Variants in CDK13 observed in about 807,000 individuals in gnomAD.
CDK13 encodes cyclin-dependent kinase 13.
Under a neutral mutation model 137.6 loss-of-function variants are expected in CDK13, and 40 were observed. The observed-to-expected ratio is 0.29, with a 90% CI of 0.23 to 0.38. The LOEUF (loss-of-function observed/expected upper bound fraction) is 0.38, where lower values mean the gene tolerates loss of function less well. Among genes scored for constraint, CDK13 ranks in the 10% least tolerant of loss-of-function variants. The pLI is 1.00. For synonymous variants in CDK13, 869 were observed against 760.1 expected, an observed-to-expected ratio of 1.14 and a Z score of -2.36; for missense variants, 1,704 against 1,951.8, an observed-to-expected ratio of 0.87 and a Z score of 2.39.
intron 11 of CDK13, among the ~76,000 whole-genome samples, chr7:40,086,782 TC>T (rs1380114405): frequency 1.3e-5 from 2 of 151,720 alleles, no homozygotes; most frequent in Admixed American, 1.3e-4. Flanking sequence ...GTTAAGTTCT[TC>T]ACAAATGTTA....
intron 5 of CDK13, among the ~76,000 whole-genome samples, chr7:40,005,730 G>T (rs1314115334): frequency 4.6e-5 from 7 of 152,088 alleles, no homozygotes. Flanking sequence ...CTTGTTTTTT[G>T]TTTTGTTTTT....
intron 5 of CDK13, among the ~76,000 whole-genome samples, chr7:40,010,966 A>G (rs1369069886): frequency 1.3e-5 from 2 of 152,228 alleles, no homozygotes; most frequent in African/African-American, 4.8e-5. Context: ...CAAGACATGT[A>G]TCTTGAATAC....
At chr7:40,065,153 C>A (rs563454133) in intron 9 of CDK13, among the ~76,000 whole-genome samples, 279 of 151,652 alleles carry the variant, frequency 1.8e-3, no homozygotes, top group African/African-American at 6.4e-3. Flanking sequence ...AAGAAATATA[C>A]CTTTCAGTGC....
chr7:40,001,075 C>T lies in CDK13; in HGVS notation c.2183-786C>T, dbSNP rs558094837. Reference sequence around the variant, plus strand: ...GGTTTGGTCAAGTAATATGTCTGAGCGTATTTTTTTCACTGATAGAGTTTT... The same window carrying T: ...GGTTTGGTCAAGTAATATGTCTGAGTGTATTTTTTTCACTGATAGAGTTTT... On this transcript the variant is annotated intron_variant, in intron 4 of 13. Transcript: ENST00000181839. Among the ~76,000 whole-genome samples, 27 of 151,838 alleles carry T rather than the reference C, an allele frequency of 1.8e-4. No individual in the cohort carries two copies. In the South Asian group the frequency reaches 5.0e-3, roughly 28 times the overall value.
Position 39,976,323 on chromosome 7 carries a change from T to TCTCTCTCTCACACACACACACA in CDK13, c.1212-11275_1212-11274insTCTCTCTCACACACACACACAC. Among the ~76,000 whole-genome samples the TCTCTCTCTCACACACACACACA allele has an allele frequency of 4.2e-3, 167 of 39,548 alleles. 5 individuals carry two copies. Among genetic ancestry groups the TCTCTCTCTCACACACACACACA allele is most frequent in the Non-Finnish European group, 7.0e-3 (119 of 17,098 alleles). 25.9% of individuals were successfully genotyped at this position (39,548 alleles called of 152,430 possible). A position where few individuals can be genotyped will look rare whatever the true frequency, so the allele number is the denominator to read the frequency against. On this transcript the variant is annotated intron_variant, in intron 1 of 13. Transcript: ENST00000181839. ...CTCTCTCTCTCTCTCTCTCTCTCTC[T>TCTCTCTCTCACACACACACACA]CACACACACACACACACACACACAC...
chr7:39,985,904 T>C (rs1583947381), intron 1 of CDK13: 1 of 152,012 alleles, frequency 6.6e-6, no homozygotes, highest in Admixed American at 6.6e-5. Context: ...ACCATGGCGG[T>C]GGAGGGATGC....
rs1260218178 is a variant in CDK13, at chr7:40,062,938, C to T, written c.2702+11C>T. 6.2e-7 allele frequency: 1 copy of T among 1,606,888 alleles called. No homozygotes were observed. The highest frequency in any genetic ancestry group is 8.5e-7 in the Non-Finnish European group (1 of 1,173,532). On this transcript the variant is annotated intron_variant, in intron 8 of 13. Coordinates refer to ENST00000181839, the MANE Select transcript of CDK13 (RefSeq NM_003718.5). ...TGTATGGAGCTGTGGGTAAGATAGC[C>T]TTATTTACTGGTTTATTTTACTTGA...
chr7:39,987,795 G>T lies in CDK13; in HGVS notation c.1408G>T (p.Ala470Ser), dbSNP rs1191985078. The T allele has an allele frequency of 1.9e-6, 3 of 1,613,810 alleles. No individual in the cohort carries two copies. Among genetic ancestry groups the T allele is most frequent in the Non-Finnish European group, 2.5e-6 (3 of 1,179,966 alleles). The change falls in exon 2 of 14, where the codon GCA (alanine) becomes TCA (serine). Residue 470 changes from alanine (A) to serine (S), a missense_variant. Physicochemically the swap from Ala to Ser is moderately conservative, Grantham distance 99 (BLOSUM62 1). This residue lies in a region of CDK13 where 1,051 missense variants were observed against 931.0 expected (regional missense o/e 1.13). Coordinates refer to ENST00000181839, the MANE Select transcript of CDK13 (RefSeq NM_003718.5). ...RAAEAARAAE[A>S]AKAAEATKAA... is the part of the protein sequence containing the mutation. ...AGCAGAGGCAGCAAGAGCCGCAGAA[G>T]CAGCGAAAGCTGCAGAAGCAACTAA...
At chr7:40,018,802 CA>C (rs1174400765) in intron 5 of CDK13, among the ~76,000 whole-genome samples, 1 of 152,050 alleles carries the variant, frequency 6.6e-6, no homozygotes, top group East Asian at 1.9e-4. Flanking sequence ...ACTCGGGTGA[CA>C]GGGGCACTAA....
chr7:40,073,820 G>A (rs1035275196), intron 9 of CDK13: 20 of 151,200 alleles, frequency 1.3e-4, no homozygotes, highest in African/African-American at 4.1e-4. Context: ...TTGATATCGC[G>A]ACCTTGTGAT....
rs571435016 is a variant in CDK13, at chr7:39,990,331, G to A, written c.1871+2073G>A. Among the ~76,000 whole-genome samples, 14 of 151,976 alleles carry A rather than the reference G, an allele frequency of 9.2e-5. No homozygotes were observed. The East Asian group carries it at 2.3e-3, about 25-fold the overall frequency. The stretch of plus-strand genomic sequence containing the variant: ...GTTTGTATGTTTAATGGATACGGAA[G>A]TTTCTAAAGATTCATGAGCACTTCT... On this transcript the variant is annotated intron_variant, in intron 2 of 13. Transcript: ENST00000181839.
chr7:39,973,346 C>T (rs965513354), intron 1 of CDK13, among the ~76,000 whole-genome samples: 2 of 152,102 alleles, frequency 1.3e-5, no homozygotes, highest in African/African-American at 4.8e-5. Context: ...CCGTGCTGCC[C>T]AGTCTGGTCT....
At chr7:40,069,748 A>G (rs1235628497) in intron 9 of CDK13, 1 of 153,014 alleles carries the variant, frequency 6.5e-6, no homozygotes, top group Admixed American at 6.5e-5. Context: ...TTTTAGGCAG[A>G]TTACAAATAT....
chr7:40,084,270 A>G (rs1027317641), intron 11 of CDK13, among the ~76,000 whole-genome samples: 3 of 152,036 alleles, frequency 2.0e-5, no homozygotes, highest in Admixed American at 2.0e-4. Context: ...CACGAGGTCA[A>G]GAGATTGATA....
chr7:40,096,829 TGAATG>T lies in CDK13; in HGVS notation c.*1853_*1857del, dbSNP rs755809747. On this transcript the variant is annotated 3_prime_UTR_variant, in exon 14 of 14. Transcript: ENST00000181839. ...GACTCTTTTTGTTGGGAGAAAGAAA[TGAATG>T]GAAGAAAAAAATATGTTGCTTTTAT... 6.6e-5 allele frequency: 10 copies of T among 152,030 alleles called. No homozygotes were observed. The highest frequency in any genetic ancestry group is 1.9e-4 in the East Asian group (1 of 5,162). The allele number at this position is 152,030 out of a possible 1,614,324, so 9.4% of individuals were successfully genotyped here.
chr7:39,974,404 C>T (rs756548361), intron 1 of CDK13, among the ~76,000 whole-genome samples: 2 of 152,038 alleles, frequency 1.3e-5, no homozygotes, highest in East Asian at 1.9e-4. Context: ...TCATCTAATA[C>T]GTGAACACGG....
At chr7:39,989,189 A>G (rs1470558445) in intron 2 of CDK13, among the ~76,000 whole-genome samples, 1 of 147,438 alleles carries the variant, frequency 6.8e-6, no homozygotes, top group Non-Finnish European at 1.5e-5. Flanking sequence ...GGTATGGCTT[A>G]TTTTTTATTG....
chr7:40,017,831 C>A (rs1785033448), intron 5 of CDK13, among the ~76,000 whole-genome samples: 1 of 150,512 alleles, frequency 6.6e-6, no homozygotes, highest in South Asian at 2.1e-4. Context: ...AAAAAAAATT[C>A]TATTATAGTT....
In CDK13 at chr7:39,951,820, C is replaced by T; in HGVS notation, c.1179C>T (p.Arg393=). 2 of 1,454,444 alleles carry T rather than the reference C, an allele frequency of 1.4e-6. No homozygotes were observed. The highest frequency in any genetic ancestry group is 1.8e-6 in the Non-Finnish European group (2 of 1,112,726). 90.1% of individuals were successfully genotyped at this position (1,454,444 alleles called of 1,614,324 possible). A position where few individuals can be genotyped will look rare whatever the true frequency, so the allele number is the denominator to read the frequency against. ...GTCCCTACAGCAGCAGCAGCTGGCG[C>T]CGCTCTCGCAGTCCCTACAGCCCTG... ...SPSPYSSSSW[R]RSRSPYSPVL... Residue 393 remains arginine, a synonymous_variant, in exon 1 of 14, where the codon CGC becomes CGT. Transcript: ENST00000181839.
Sources: allele counts gnomAD v4.1 joint callset (sites outside exome capture counted in the v4.1 genomes callset), GRCh38; gene constraint gnomAD v4.1.1; regional missense constraint gnomAD v4.1.1; transcripts MANE v1.5; gene names NCBI Gene and HGNC (gene_info 2026-07-23, HGNC 2026-07-21).